MYO16: variants seen among roughly 807,000 people sequenced by gnomAD.
The protein encoded by MYO16 is unconventional myosin-XVI.
A neutral mutation model predicts 205.3 loss-of-function variants in MYO16; 94 were observed. That is an observed-to-expected ratio of 0.46 (90% CI 0.39 to 0.54). The LOEUF is 0.54. Among genes scored for constraint, MYO16 ranks in the 20% least tolerant of loss-of-function variants. MYO16 has a pLI of 0.00. For missense variants in MYO16, 2,315 were observed against 2,387.5 expected (o/e 0.97, Z 0.63); for synonymous variants, 988 against 954.0 (o/e 1.04, Z -0.66).
intron 16 of MYO16, among the ~76,000 whole-genome samples, chr13:108,910,906 T>A (rs1343704380): frequency 6.6e-6 from 1 of 152,020 alleles, no homozygotes; most frequent in East Asian, 1.9e-4. Context: ...GACATGTGGA[T>A]TGACTTCAGA....
At chr13:109,004,734 A>T (rs1412253939) in intron 21 of MYO16, among the ~76,000 whole-genome samples, 1 of 152,194 alleles carries the variant, frequency 6.6e-6, no homozygotes, top group African/African-American at 2.4e-5. Flanking sequence ...ATTCAAGAGG[A>T]TAAATGTGCT....
intron 16 of MYO16, among the ~76,000 whole-genome samples, chr13:108,911,501 A>G (rs1344069264): frequency 6.6e-6 from 1 of 152,144 alleles, no homozygotes; most frequent in Non-Finnish European, 1.5e-5. Flanking sequence ...GCCTGAGGAA[A>G]CATACTCAAT....
At chr13:108,966,759 A>G (rs910197926) in intron 20 of MYO16, among the ~76,000 whole-genome samples, 11 of 152,300 alleles carry the variant, frequency 7.2e-5, no homozygotes, top group African/African-American at 2.6e-4. Flanking sequence ...AAATCCCCAG[A>G]TAATGCAAGA....
chr13:108,860,439 T>A (rs987228802), intron 11 of MYO16, among the ~76,000 whole-genome samples: 1 of 152,244 alleles, frequency 6.6e-6, no homozygotes, highest in African/African-American at 2.4e-5. Flanking sequence ...ATTCTATGTC[T>A]TTGCTATTGT....
At position 108,636,420 on chromosome 13, in the gene MYO16, G is replaced by A. The variant is rs10220184; in HGVS notation, c.28+6548G>A. On this transcript the variant is annotated intron_variant, in intron 1 of 34. Transcript: ENST00000457511. ...GTGTGTGTGTGTGTCTTGCTCTGTC[G>A]CCAGGCTGGAATGCAGTGGCACAAT... 7.1e-3 allele frequency among the ~76,000 whole-genome samples: 786 copies of A among 110,694 alleles called. 2 individuals are homozygous for A. The highest frequency in any genetic ancestry group is 0.011 in the Non-Finnish European group (612 of 57,740). 72.6% of individuals were successfully genotyped at this position (110,694 alleles called of 152,430 possible). A position where few individuals can be genotyped will look rare whatever the true frequency, so the allele number is the denominator to read the frequency against.
intron 1 of MYO16, among the ~76,000 whole-genome samples, chr13:108,635,507 A>T (rs1257696361): frequency 4.9e-5 from 7 of 143,652 alleles, no homozygotes; most frequent in South Asian, 2.2e-4. Context: ...TTACCTATTT[A>T]TTTTTTTTTT....
intron 3 of MYO16, 39 bp downstream of exon 3, chr13:108,712,770 C>T (rs750592837): frequency 1.3e-6 from 2 of 1,538,682 alleles, no homozygotes; most frequent in Admixed American, 1.9e-5. Flanking sequence ...CATGGGGACA[C>T]CCGGGGGAGA....
At chr13:108,636,997 C>T (rs7318178) in intron 1 of MYO16, among the ~76,000 whole-genome samples, 3,951 of 152,228 alleles carry the variant, frequency 0.026, 165 homozygotes, top group African/African-American at 0.083. Context: ...ATCAAATATG[C>T]TGCTAAGGGA....
intron 21 of MYO16, among the ~76,000 whole-genome samples, chr13:109,003,090 A>G (rs889787609): frequency 6.6e-6 from 1 of 152,218 alleles, no homozygotes; most frequent in African/African-American, 2.4e-5. Flanking sequence ...TGGACACATT[A>G]CACCAAAATT....
intron 23 of MYO16, among the ~76,000 whole-genome samples, chr13:109,040,309 C>T (rs1220397357): frequency 6.7e-6 from 1 of 150,066 alleles, no homozygotes; most frequent in Non-Finnish European, 1.5e-5. Context: ...CTCTCTAATT[C>T]ATTTGATAAA....
At chr13:109,112,137 T>C (rs1459389206) in intron 28 of MYO16, among the ~76,000 whole-genome samples, 3 of 152,162 alleles carry the variant, frequency 2.0e-5, no homozygotes, top group African/African-American at 7.2e-5. Context: ...CAGGAGAGTA[T>C]ACGGGAAGCT....
chr13:109,093,109 G>A (rs1040221902), intron 27 of MYO16, among the ~76,000 whole-genome samples: 1 of 152,110 alleles, frequency 6.6e-6, no homozygotes, highest in Admixed American at 6.6e-5. Context: ...TGTACTTGAC[G>A]AATGGGACTC....
At chr13:108,701,873 AC>A (rs763848457) in intron 2 of MYO16, among the ~76,000 whole-genome samples, 28 of 152,130 alleles carry the variant, frequency 1.8e-4, no homozygotes, top group African/African-American at 5.5e-4. Context: ...AATTATAAAA[AC>A]AAACAAATAG....
chr13:108,807,019 C>A (rs1007501863), intron 7 of MYO16, among the ~76,000 whole-genome samples: 3 of 152,094 alleles, frequency 2.0e-5, no homozygotes, highest in Non-Finnish European at 4.4e-5. Context: ...GTAGTCAAGT[C>A]ATTGAAGAAA....
chr13:108,941,476 A>G (rs1441491141), intron 16 of MYO16, among the ~76,000 whole-genome samples: 1 of 152,094 alleles, frequency 6.6e-6, no homozygotes, highest in Non-Finnish European at 1.5e-5. Flanking sequence ...CAGGAGTTCA[A>G]GACCAGCCTG....
At chr13:108,543,937 T>C in the MYO16 span, among the ~76,000 whole-genome samples, 1 of 150,714 alleles carries the variant, frequency 6.6e-6, no homozygotes, top group African/African-American at 2.4e-5. Flanking sequence ...TGGTGGTGCA[T>C]GCTTGTAATC....
At chr13:108,521,245 A>T in the MYO16 span, among the ~76,000 whole-genome samples, 1 of 152,386 alleles carries the variant, frequency 6.6e-6, no homozygotes, top group African/African-American at 2.4e-5. Flanking sequence ...AGGAAGAAGC[A>T]GATTAGTGAG....
intron 32 of MYO16, among the ~76,000 whole-genome samples, chr13:109,144,321 A>G (rs1474234358): frequency 1.3e-5 from 2 of 152,118 alleles, no homozygotes; most frequent in Non-Finnish European, 2.9e-5. Flanking sequence ...GGCCAAATGT[A>G]TAATTCTTTA....
chr13:108,907,731 A>G (rs1482081105), intron 15 of MYO16, among the ~76,000 whole-genome samples: 1 of 152,238 alleles, frequency 6.6e-6, no homozygotes, highest in Non-Finnish European at 1.5e-5. Context: ...AACCAGGTTG[A>G]TTAATAATTA....
Sources: allele counts gnomAD v4.1 joint callset (sites outside exome capture counted in the v4.1 genomes callset), GRCh38; gene constraint gnomAD v4.1.1; transcripts MANE v1.5; gene names NCBI Gene and HGNC (gene_info 2026-07-23, HGNC 2026-07-21).